ST3GAL6: variants seen among roughly 807,000 people sequenced by gnomAD.
ST3GAL6 encodes ST3 beta-galactoside alpha-2,3-sialyltransferase 6.
In ST3GAL6, 31 loss-of-function variants were observed where a neutral mutation model predicts 40.5. The ratio of observed to expected loss-of-function variants is 0.77; its 90% confidence interval spans 0.58 to 1.03. The LOEUF (loss-of-function observed/expected upper bound fraction) is 1.03. ST3GAL6 is among the 50% of genes least tolerant of loss of function. The probability of loss-of-function intolerance (pLI) is 0.00; values close to 1 mark genes in which losing one functional copy is unlikely to be tolerated. For missense variants in ST3GAL6, 357 were observed against 393.2 expected (o/e 0.91, Z 0.78); for synonymous variants, 129 against 136.9 (o/e 0.94, Z 0.40).
intron 5 of ST3GAL6, among the ~76,000 whole-genome samples, chr3:98,775,287 C>T (rs1015532846): frequency 5.9e-5 from 9 of 152,032 alleles, no homozygotes; most frequent in Admixed American, 2.0e-4. Flanking sequence ...ACCAGCCTGG[C>T]CAACATAGTG....
chr3:98,750,196 CT>C (rs1936891330), intron 1 of ST3GAL6, among the ~76,000 whole-genome samples: 1 of 152,164 alleles, frequency 6.6e-6, no homozygotes, highest in South Asian at 2.1e-4. Context: ...AGCACATTTA[CT>C]TAGTTTTAAG....
intron 5 of ST3GAL6, chr3:98,782,101 A>G (rs953042820): frequency 7.2e-5 from 45 of 625,874 alleles, no homozygotes; most frequent in Non-Finnish European, 1.1e-4. Flanking sequence ...GCCATACTAC[A>G]TGGCCCCACA....
chr3:98,785,096 TG>T, intron 6 of ST3GAL6, 56 bp downstream of exon 6: 1 of 1,320,682 alleles, frequency 7.6e-7, no homozygotes, highest in Non-Finnish European at 1.1e-6. Flanking sequence ...TATGGTTTCT[TG>T]CCTTAATACA....
At chr3:98,781,370 C>T (rs189232401) in intron 5 of ST3GAL6, among the ~76,000 whole-genome samples, 1 of 151,946 alleles carries the variant, frequency 6.6e-6, no homozygotes, top group East Asian at 1.9e-4. Flanking sequence ...GGAGAAATAC[C>T]TAATGTAGAT....
chr3:98,745,647 C>T (rs1201435459), intron 1 of ST3GAL6, among the ~76,000 whole-genome samples: 1 of 152,192 alleles, frequency 6.6e-6, no homozygotes, highest in Admixed American at 6.5e-5. Flanking sequence ...CACCAACTTT[C>T]AGAAGTTTAG....
chr3:98,782,113 C>A, intron 5 of ST3GAL6: 1 of 643,036 alleles, frequency 1.6e-6, no homozygotes, highest in Non-Finnish European at 2.8e-6. Flanking sequence ...GGCCCCACAG[C>A]AGAGAGCCTT....
rs1940264253 is a variant in ST3GAL6, at chr3:98,782,756, GGT to G, written c.336-2188_336-2187del. ...CATAGATCATGTTCAGCCTCCAAGT[GGT>G]CTCATAATCAACAAAGAATCTGAAG... On this transcript the variant is annotated intron_variant, in intron 5 of 9. Transcript: ENST00000483910. 5.9e-6 allele frequency: 3 copies of G among 508,604 alleles called. No individual in the cohort carries two copies. The East Asian group carries it at 1.7e-4, about 28-fold the overall frequency. The allele number at this position is 508,604 out of a possible 1,614,324, so 31.5% of individuals were successfully genotyped here. A position where few individuals can be genotyped will look rare whatever the true frequency, so the allele number is the denominator to read the frequency against.
At chr3:98,771,797 G>A (rs115183533) in intron 3 of ST3GAL6, among the ~76,000 whole-genome samples, 62 of 152,182 alleles carry the variant, frequency 4.1e-4, no homozygotes, top group African/African-American at 1.3e-3. Context: ...AGGGGTGTGC[G>A]TCCAGTGAGG....
At chr3:98,734,153 A>G (rs1460945786) in intron 1 of ST3GAL6, among the ~76,000 whole-genome samples, 3 of 152,102 alleles carry the variant, frequency 2.0e-5, no homozygotes, top group Non-Finnish European at 4.4e-5. Context: ...AATCTTCCTC[A>G]CCTAGCTGCA....
At position 98,774,390 on chromosome 3, in the gene ST3GAL6, A is replaced by G. The variant is rs2107220887; in HGVS notation, c.335+407A>G. 3.3e-5 allele frequency among the ~76,000 whole-genome samples: 5 copies of G among 152,198 alleles called. No homozygotes were observed. In the South Asian group the frequency reaches 1.0e-3, roughly 32 times the overall value. ...TCTTTCTGTCTCACTTGTTAAGGAG[A>G]TTATTAGATTTTGGAAGCAGCTCTC... On this transcript the variant is annotated intron_variant, in intron 5 of 9. Transcript: ENST00000483910.
chr3:98,767,016 A>T (rs1938428249), intron 1 of ST3GAL6, among the ~76,000 whole-genome samples: 1 of 152,204 alleles, frequency 6.6e-6, no homozygotes, highest in South Asian at 2.1e-4. Flanking sequence ...AGTATGTGTG[A>T]ACTAAAGTTT....
chr3:98,743,064 C>T (rs550706546), intron 1 of ST3GAL6, among the ~76,000 whole-genome samples: 3 of 131,184 alleles, frequency 2.3e-5, no homozygotes, highest in South Asian at 2.5e-4. Flanking sequence ...GCTGGAATAT[C>T]GTGGTGCAAT....
intron 1 of ST3GAL6, among the ~76,000 whole-genome samples, chr3:98,743,858 T>C (rs1936325331): frequency 1.3e-5 from 2 of 152,210 alleles, no homozygotes; most frequent in South Asian, 4.2e-4. Context: ...GGGTGAGCCT[T>C]GGGCACCCCA....
chr3:98,791,062 G>C (rs561643316), intron 8 of ST3GAL6, among the ~76,000 whole-genome samples: 1 of 152,174 alleles, frequency 6.6e-6, no homozygotes, highest in South Asian at 2.1e-4. Context: ...ACACTTTATT[G>C]AAAGTGTTAT....
intron 1 of ST3GAL6, chr3:98,732,723 G>A: frequency 1.2e-6 from 1 of 825,840 alleles, no homozygotes; most frequent in Non-Finnish European, 1.7e-6. Context: ...GATTGGGGCT[G>A]GCGGGAGCCT....
chr3:98,790,588 CTGTT>C (rs1339701925), intron 8 of ST3GAL6, among the ~76,000 whole-genome samples: 4 of 152,150 alleles, frequency 2.6e-5, no homozygotes, highest in Admixed American at 2.6e-4. Flanking sequence ...TACTTACTGC[CTGTT>C]TGAGAGTTGG....
chr3:98,791,168 A>G (rs1167688242), intron 8 of ST3GAL6, among the ~76,000 whole-genome samples: 2 of 152,332 alleles, frequency 1.3e-5, no homozygotes, highest in Non-Finnish European at 1.5e-5. Context: ...TCAAATATCT[A>G]TCACACTGGT....
At chr3:98,733,836 G>A (rs1360911734) in intron 1 of ST3GAL6, among the ~76,000 whole-genome samples, 1 of 152,200 alleles carries the variant, frequency 6.6e-6, no homozygotes. Context: ...AGGAGCAGGA[G>A]GGGGAGAAGA....
chr3:98,757,523 G>C (rs896232734), intron 1 of ST3GAL6, among the ~76,000 whole-genome samples: 7 of 152,132 alleles, frequency 4.6e-5, no homozygotes, highest in Admixed American at 1.3e-4. Flanking sequence ...TAATCATCTT[G>C]GTGATTTGTA....
Sources: allele counts gnomAD v4.1 joint callset (sites outside exome capture counted in the v4.1 genomes callset), GRCh38; gene constraint gnomAD v4.1.1; transcripts MANE v1.5; gene names NCBI Gene and HGNC (gene_info 2026-07-23, HGNC 2026-07-21).